AK9: variants seen among roughly 807,000 people sequenced by gnomAD.
AK9 encodes the protein adenylate kinase domain containing 1.
AK9 carries 191 observed loss-of-function variants against 239.6 expected under a neutral mutation model. That is an observed-to-expected ratio of 0.80 (90% CI 0.71 to 0.90). AK9 has a LOEUF of 0.90. Among genes scored for constraint, AK9 ranks in the 40% least tolerant of loss-of-function variants. AK9 has a pLI of 0.00. For missense variants in AK9, 1,995 were observed against 2,214.7 expected, an observed-to-expected ratio of 0.90 and a Z score of 1.99; for synonymous variants, 689 against 721.0, an observed-to-expected ratio of 0.96 and a Z score of 0.71.
intron 26 of AK9, among the ~76,000 whole-genome samples, chr6:109,544,680 C>A (rs189546135): frequency 6.6e-6 from 1 of 152,140 alleles, no homozygotes; most frequent in Non-Finnish European, 1.5e-5. Context: ...TGAAGAATTG[C>A]GAGCCAGTTA....
chr6:109,667,607 G>C (rs1003346012), intron 5 of AK9, among the ~76,000 whole-genome samples: 3 of 149,210 alleles, frequency 2.0e-5, no homozygotes, highest in Admixed American at 6.8e-5. Flanking sequence ...CTGTGTCCAA[G>C]TGTTCTCATT....
chr6:109,639,754 T>C (rs12200925), intron 10 of AK9, among the ~76,000 whole-genome samples: 7,825 of 152,242 alleles, frequency 0.051, 398 homozygotes, highest in East Asian at 0.23. Flanking sequence ...ATTGCCTAGG[T>C]TTGCTTCTAG....
intron 12 of AK9, chr6:109,632,055 G>T: frequency 4.8e-6 from 3 of 628,500 alleles, no homozygotes; most frequent in Non-Finnish European, 5.9e-6. Context: ...GAAGAAACAT[G>T]AGAGGGCGTC....
Position 109,583,620 on chromosome 6 carries a change from TGGGCA to T in AK9, c.2114+1498_2114+1502del, listed in dbSNP as rs371256704. The stretch of plus-strand genomic sequence containing the variant: ...AAACATAGAAAAGCCTGCTTCAATC[TGGGCA>T]GGTGATATTAAGGAGTTTATAAAGA... On this transcript the variant is annotated intron_variant, in intron 19 of 40. Transcript: ENST00000424296. 8.5e-3 allele frequency among the ~76,000 whole-genome samples: 1,297 copies of T among 152,196 alleles called. 14 individuals carry two copies. Among genetic ancestry groups the T allele is most frequent in the Middle Eastern group, 0.051 (15 of 294 alleles).
intron 35 of AK9, among the ~76,000 whole-genome samples, chr6:109,503,782 C>T (rs1311284621): frequency 6.6e-6 from 1 of 152,178 alleles, no homozygotes; most frequent in Non-Finnish European, 1.5e-5. Flanking sequence ...CACAGCTGGA[C>T]TGGAAATTGC....
At chr6:109,574,558 T>G (rs1403513199) in intron 20 of AK9, among the ~76,000 whole-genome samples, 1 of 152,206 alleles carries the variant, frequency 6.6e-6, no homozygotes, top group Non-Finnish European at 1.5e-5. Flanking sequence ...CTATATTAAT[T>G]GCACATTGAA....
chr6:109,499,230 G>A lies in AK9; in HGVS notation c.4860C>T (p.Ala1620=). 6.6e-7 allele frequency: 1 copy of A among 1,511,836 alleles called. No homozygotes were observed. Among genetic ancestry groups the A allele is most frequent in the Non-Finnish European group, 8.9e-7 (1 of 1,125,686 alleles). The allele number at this position is 1,511,836 out of a possible 1,614,324, so 93.7% of individuals were successfully genotyped here. ...GTGTGATACATAACTTGTCAATGCAGGCAGCTTTTCCTATTATTAACATAT... is the reference window on the plus strand; with the variant it reads ...GTGTGATACATAACTTGTCAATGCAAGCAGCTTTTCCTATTATTAACATAT... ...YLERIKAGKA[A]CIDKLCITPQ... Residue 1620 remains alanine (A), a synonymous_variant, in exon 36 of 41, where the codon GCC becomes GCT. Coordinates refer to ENST00000424296, the MANE Select transcript of AK9 (RefSeq NM_001145128.3).
rs570521630 is a variant in AK9, at chr6:109,498,286, G to T, written c.5047-321C>A. Among the ~76,000 whole-genome samples the T allele has an allele frequency of 8.5e-5, 13 of 152,322 alleles. No homozygotes were observed. In the South Asian group the frequency reaches 2.5e-3, roughly 29 times the overall value. ...TTCCTGTCCTGCTGTGTAATTAACCGGTTGGGTGCCTTTGGCAGGTGAGTT... is the reference window on the plus strand; with the variant it reads ...TTCCTGTCCTGCTGTGTAATTAACCTGTTGGGTGCCTTTGGCAGGTGAGTT... On this transcript the variant is annotated intron_variant, in intron 36 of 40. Transcript: ENST00000424296.
intron 8 of AK9, among the ~76,000 whole-genome samples, chr6:109,656,253 A>G (rs1036768506): frequency 1.3e-5 from 2 of 152,200 alleles, no homozygotes; most frequent in African/African-American, 4.8e-5. Flanking sequence ...AATACTAATC[A>G]TTTTAATTAA....
chr6:109,636,652 C>A (rs1464301497), intron 10 of AK9, among the ~76,000 whole-genome samples: 1 of 149,436 alleles, frequency 6.7e-6, no homozygotes, highest in Non-Finnish European at 1.5e-5. Flanking sequence ...CATATGTTTG[C>A]CCTTTTGTAT....
chr6:109,584,678 T>A (rs552815207), intron 19 of AK9, among the ~76,000 whole-genome samples: 7 of 152,218 alleles, frequency 4.6e-5, no homozygotes, highest in Non-Finnish European at 1.0e-4. Flanking sequence ...CTGTCAAACA[T>A]AAATAATTAG....
intron 1 of AK9, among the ~76,000 whole-genome samples, chr6:109,683,334 G>C (rs185098410): frequency 6.6e-6 from 1 of 152,090 alleles, no homozygotes. Context: ...TTTGAAAACT[G>C]GCACAAAACA....
At chr6:109,506,003 C>T (rs1778081361) in intron 35 of AK9, among the ~76,000 whole-genome samples, 2 of 152,090 alleles carry the variant, frequency 1.3e-5, no homozygotes, top group Non-Finnish European at 2.9e-5. Flanking sequence ...AGCAGGCTCC[C>T]TCAAGCCTCT....
chr6:109,609,080 T>C (rs927017280), intron 17 of AK9, among the ~76,000 whole-genome samples: 1 of 152,226 alleles, frequency 6.6e-6, no homozygotes, highest in African/African-American at 2.4e-5. Flanking sequence ...CTCATACGAT[T>C]TAAACTACAG....
chr6:109,684,219 C>T (rs1171315169), intron 1 of AK9, among the ~76,000 whole-genome samples: 3 of 152,106 alleles, frequency 2.0e-5, no homozygotes, highest in Non-Finnish European at 4.4e-5. Flanking sequence ...AATTGGACCC[C>T]TTCCTTATAC....
At chr6:109,497,098 T>C (rs1396749695) in intron 38 of AK9, among the ~76,000 whole-genome samples, 1 of 152,058 alleles carries the variant, frequency 6.6e-6, no homozygotes, top group Non-Finnish European at 1.5e-5. Context: ...ACCAGGTTTG[T>C]TGTAGGTCCC....
intron 20 of AK9, among the ~76,000 whole-genome samples, chr6:109,577,904 CTCTTTCTT>C (rs149858598): frequency 1.2e-4 from 16 of 137,224 alleles, no homozygotes; most frequent in African/African-American, 4.0e-4. Flanking sequence ...CTCTCTTTCT[CTCTTTCTT>C]TCTTTCTTTC....
chr6:109,551,004 T>C (rs1784290961), intron 24 of AK9, among the ~76,000 whole-genome samples: 1 of 151,988 alleles, frequency 6.6e-6, no homozygotes, highest in Non-Finnish European at 1.5e-5. Context: ...AATAGTTTTA[T>C]CTCCCAGACT....
intron 7 of AK9, among the ~76,000 whole-genome samples, chr6:109,657,929 T>C (rs1451903848): frequency 6.6e-6 from 1 of 152,188 alleles, no homozygotes; most frequent in Non-Finnish European, 1.5e-5. Flanking sequence ...TTCTTTCCCA[T>C]TTTTATCAAT....
Sources: allele counts gnomAD v4.1 joint callset (sites outside exome capture counted in the v4.1 genomes callset), GRCh38; gene constraint gnomAD v4.1.1; transcripts MANE v1.5; gene names NCBI Gene and HGNC (gene_info 2026-07-23, HGNC 2026-07-21).